Variants in TNFRSF10B observed in about 807,000 individuals in gnomAD.
The protein encoded by TNFRSF10B is TNF receptor superfamily member 10b.
A neutral mutation model predicts 41.4 loss-of-function variants in TNFRSF10B; 35 were observed. That is an observed-to-expected ratio of 0.85 (90% CI 0.65 to 1.12). TNFRSF10B has a LOEUF of 1.12. TNFRSF10B is among the 50% of genes most tolerant of loss of function. The pLI, the probability that TNFRSF10B is intolerant of heterozygous loss-of-function variation, is 0.00. For synonymous variants in TNFRSF10B, 230 were observed against 215.5 expected, an observed-to-expected ratio of 1.07 and a Z score of -0.59; for missense variants, 584 against 552.7, an observed-to-expected ratio of 1.06 and a Z score of -0.57.
intron 3 of TNFRSF10B, 117 bp downstream of exon 3, chr8:23,030,642 G>A (rs974536139): frequency 4.5e-5 from 34 of 749,108 alleles, no homozygotes; most frequent in Middle Eastern, 2.8e-4. Context: ...CATGGAACAT[G>A]GTATGATGAA....
chr8:23,042,496 G>GA (rs1812231381), intron 2 of TNFRSF10B, among the ~76,000 whole-genome samples: 2 of 152,112 alleles, frequency 1.3e-5, no homozygotes, highest in Non-Finnish European at 2.9e-5. Context: ...GGGCTCAAAT[G>GA]ACCTTACGGG....
Position 23,067,673 on chromosome 8 carries a change from G to A in TNFRSF10B, c.144+1078C>T, listed in dbSNP as rs182488681. Among the ~76,000 whole-genome samples the A allele has an allele frequency of 1.1e-3, 167 of 152,292 alleles. 2 individuals carry two copies. The highest frequency in any genetic ancestry group is 1.1e-3 in the Admixed American group (17 of 15,310). On this transcript the variant is annotated intron_variant, in intron 1 of 8. Transcript: ENST00000276431. ...CCCTCCACTCAGAGGTGAGACCAAGGACATACTGTGGTGTGGGGCGGAAAC... is the reference window on the plus strand; with the variant it reads ...CCCTCCACTCAGAGGTGAGACCAAGAACATACTGTGGTGTGGGGCGGAAAC...
intron 1 of TNFRSF10B, 189 bp downstream of exon 1, chr8:23,068,562 C>T (rs1813069045): frequency 1.5e-5 from 13 of 856,144 alleles, no homozygotes; most frequent in Admixed American, 2.9e-5. Flanking sequence ...TCCCTGGCGG[C>T]CCAGGTCGCT....
intron 1 of TNFRSF10B, among the ~76,000 whole-genome samples, chr8:23,063,668 C>G (rs761581796): frequency 4.1e-4 from 63 of 152,270 alleles, no homozygotes; most frequent in South Asian, 1.2e-3. Flanking sequence ...GCCTCCTTCA[C>G]GATAATGCAA....
intron 2 of TNFRSF10B, among the ~76,000 whole-genome samples, chr8:23,042,063 C>T (rs1812217154): frequency 6.6e-6 from 1 of 152,230 alleles, no homozygotes; most frequent in African/African-American, 2.4e-5. Context: ...AATTTGGTGC[C>T]TCGATTGTCC....
In TNFRSF10B at chr8:23,040,705, G is replaced by C. The variant is rs139670060; in HGVS notation, c.250+2433C>G. On this transcript the variant is annotated intron_variant, in intron 2 of 8. Coordinates refer to ENST00000276431, the MANE Select transcript of TNFRSF10B (RefSeq NM_003842.5). ...GTTTAAACTCTGCAATTAAAAGGCAGAGAGTGGCAGAATGAGTAAAAACAA... is the reference window on the plus strand; with the variant it reads ...GTTTAAACTCTGCAATTAAAAGGCACAGAGTGGCAGAATGAGTAAAAACAA... 9.7e-4 allele frequency among the ~76,000 whole-genome samples: 147 copies of C among 151,942 alleles called. 1 individual carries two copies. The highest frequency in any genetic ancestry group is 1.8e-3 in the Non-Finnish European group (121 of 67,930).
intron 8 of TNFRSF10B, 84 bp downstream of exon 8, chr8:23,024,104 G>A (rs886904170): frequency 1.9e-6 from 3 of 1,554,578 alleles, no homozygotes; most frequent in Non-Finnish European, 1.8e-6. Context: ...CTCTGGAAGA[G>A]CCCTCTGACC....
At chr8:23,065,902 A>G (rs966536672) in intron 1 of TNFRSF10B, among the ~76,000 whole-genome samples, 1 of 152,238 alleles carries the variant, frequency 6.6e-6, no homozygotes, top group Non-Finnish European at 1.5e-5. Context: ...AATGGTGTTG[A>G]TAGATTAAAT....
At chr8:23,024,798 G>A (rs1002278203) in intron 7 of TNFRSF10B, among the ~76,000 whole-genome samples, 2 of 152,018 alleles carry the variant, frequency 1.3e-5, no homozygotes, top group African/African-American at 2.4e-5. Context: ...CTCCCAAAGT[G>A]CTGGGATTAC....
intron 1 of TNFRSF10B, among the ~76,000 whole-genome samples, chr8:23,044,524 C>A (rs1258492822): frequency 6.6e-6 from 1 of 152,110 alleles, no homozygotes; most frequent in Non-Finnish European, 1.5e-5. Flanking sequence ...TGAATGGTAA[C>A]AAGCTCCTGA....
chr8:23,055,521 T>TTAAAAAAAAA (rs1554510887), intron 1 of TNFRSF10B, among the ~76,000 whole-genome samples: 87 of 120,522 alleles, frequency 7.2e-4, no homozygotes, highest in African/African-American at 2.1e-3. Flanking sequence ...ATTAAATGCT[T>TTAAAAAAAAA]AAAAAAAAAA....
intron 2 of TNFRSF10B, among the ~76,000 whole-genome samples, chr8:23,040,300 T>TATAC (rs199533843): frequency 3.0e-5 from 1 of 32,932 alleles, no homozygotes; most frequent in South Asian, 1.0e-3. Flanking sequence ...TAAATATATA[T>TATAC]AATATATATT....
rs1811726973 is a variant in TNFRSF10B, at chr8:23,027,163, C to G, written c.906G>C (p.Met302Ile). The G allele has an allele frequency of 3.1e-6, 5 of 1,614,072 alleles. No individual in the cohort carries two copies. The highest frequency in any genetic ancestry group is 4.2e-6 in the Non-Finnish European group (5 of 1,180,040). ...QEPAEPTGVNMLSPGESEHLL... is the reference protein window; with the variant it reads ...QEPAEPTGVNILSPGESEHLL... ...GATGCTCTGACTCCCCGGGGGACAACATGTTGACACCTGTTGGCTCTGCTG... is the reference window on the plus strand; with the variant it reads ...GATGCTCTGACTCCCCGGGGGACAAGATGTTGACACCTGTTGGCTCTGCTG... The change falls in exon 7 of 9, where the codon ATG becomes ATC. Residue 302 changes from methionine (M) to isoleucine (I), a missense_variant. Coordinates refer to ENST00000276431, the MANE Select transcript of TNFRSF10B (RefSeq NM_003842.5).
intron 1 of TNFRSF10B, 57 bp from the exon 2 acceptor site, chr8:23,043,300 G>T: frequency 7.1e-7 from 1 of 1,413,424 alleles, no homozygotes; most frequent in East Asian, 2.3e-5. Flanking sequence ...CCCCTCCCAG[G>T]ATCCACTCAC....
chr8:23,033,050 G>A (rs1011631929), intron 2 of TNFRSF10B, among the ~76,000 whole-genome samples: 1 of 152,196 alleles, frequency 6.6e-6, no homozygotes, highest in African/African-American at 2.4e-5. Flanking sequence ...CCAGAAGGGA[G>A]TGGGTAACAT....
rs1283339109 is a variant in TNFRSF10B, at chr8:23,069,031, T to C, written c.-137A>G. 1 of 1,421,196 alleles carries C rather than the reference T, an allele frequency of 7.0e-7. No homozygotes were observed. Among genetic ancestry groups the C allele is most frequent in the Non-Finnish European group, 9.7e-7 (1 of 1,033,272 alleles). The allele number at this position is 1,421,196 out of a possible 1,614,324, so 88.0% of individuals were successfully genotyped here. On this transcript the variant is annotated 5_prime_UTR_variant, in exon 1 of 9. Transcript: ENST00000276431. ...CGCGTGCTGATTTATGTGTCCAGGC[T>C]GACTTGGGGCGGCGCGGCTGTACTT...
At chr8:23,054,206 A>G (rs1314010661) in intron 1 of TNFRSF10B, among the ~76,000 whole-genome samples, 2 of 152,246 alleles carry the variant, frequency 1.3e-5, no homozygotes, top group East Asian at 3.8e-4. Context: ...TGACTCTTGA[A>G]GAGTTAAAAT....
At chr8:23,044,918 C>CA (rs1406107148) in intron 1 of TNFRSF10B, among the ~76,000 whole-genome samples, 1 of 151,808 alleles carries the variant, frequency 6.6e-6, no homozygotes, top group African/African-American at 2.4e-5. Context: ...TAAATTAAAT[C>CA]AAAAATGAAT....
At chr8:23,035,421 C>T (rs1365012070) in intron 2 of TNFRSF10B, among the ~76,000 whole-genome samples, 10 of 152,112 alleles carry the variant, frequency 6.6e-5, no homozygotes, top group African/African-American at 1.2e-4. Context: ...GGATTACAGG[C>T]GCGAGCCACC....
Sources: gnomAD v4.1 joint callset for allele counts (sites outside exome capture counted in the v4.1 genomes callset) on GRCh38, gnomAD v4.1.1 for gene constraint, MANE v1.5 for transcripts, NCBI Gene and HGNC (gene_info 2026-07-23, HGNC 2026-07-21) for gene names.